The following GATAD2A variants were observed in gnomAD, a reference collection of about 807,000 sequenced individuals.
GATAD2A encodes the protein transcriptional repressor p66-alpha.
In GATAD2A, 12 loss-of-function variants were observed where a neutral mutation model predicts 68.5. That is an observed-to-expected ratio of 0.18 (90% CI 0.11 to 0.28). GATAD2A has a LOEUF of 0.28. Among genes scored for constraint, GATAD2A ranks in the 10% least tolerant of loss-of-function variants. The probability of loss-of-function intolerance (pLI) is 1.00; values close to 1 mark genes in which losing one functional copy is unlikely to be tolerated. For missense variants in GATAD2A, 755 were observed against 868.5 expected (o/e 0.87, Z 1.64); for synonymous variants, 410 against 375.3 (o/e 1.09, Z -1.07).
intron 2 of GATAD2A, among the ~76,000 whole-genome samples, chr19:19,486,448 G>A (rs1263517502): frequency 6.6e-6 from 1 of 152,218 alleles, no homozygotes; most frequent in South Asian, 2.1e-4. Flanking sequence ...GGAGGCCGTG[G>A]TGCTGCTGCC....
intron 2 of GATAD2A, among the ~76,000 whole-genome samples, chr19:19,485,549 C>A (rs1182950548): frequency 2.6e-5 from 4 of 152,220 alleles, no homozygotes; most frequent in Non-Finnish European, 4.4e-5. Flanking sequence ...TTGGGGCAGT[C>A]AGACCTCAGC....
intron 1 of GATAD2A, among the ~76,000 whole-genome samples, chr19:19,416,959 A>G (rs1489954676): frequency 6.6e-6 from 1 of 152,056 alleles, no homozygotes; most frequent in Non-Finnish European, 1.5e-5. Flanking sequence ...ACAGGGTTTC[A>G]CCATGTTGGC....
In GATAD2A at chr19:19,450,037, G is replaced by T. The variant is rs1174038310; in HGVS notation, c.-6-15303G>T. On this transcript the variant is annotated intron_variant, in intron 1 of 11. Transcript: ENST00000683918. ...GCTCTTGTCCTCAAGAGATCCTCTT[G>T]CCTTGACCTTCCAAAGTGCTGGGAT... 5.9e-5 allele frequency among the ~76,000 whole-genome samples: 9 copies of T among 152,140 alleles called. No individual in the cohort carries two copies. In the East Asian group the frequency reaches 1.7e-3, roughly 29 times the overall value.
chr19:19,483,708 G>A (rs1038385795), intron 2 of GATAD2A, among the ~76,000 whole-genome samples: 3 of 151,808 alleles, frequency 2.0e-5, no homozygotes, highest in East Asian at 1.9e-4. Context: ...TCCACCTCCC[G>A]GGTTCACGCC....
intron 8 of GATAD2A, among the ~76,000 whole-genome samples, chr19:19,500,815 C>T (rs528597575): frequency 6.6e-6 from 1 of 152,364 alleles, no homozygotes; most frequent in Admixed American, 6.5e-5. Flanking sequence ...GGGTGACTTG[C>T]CTGTCACCCT....
chr19:19,405,556 C>T (rs1450410725), upstream of GATAD2A, among the ~76,000 whole-genome samples: 2 of 152,006 alleles, frequency 1.3e-5, no homozygotes, highest in African/African-American at 2.4e-5. Context: ...CGGAGAGGGG[C>T]GGTGCTTCCG....
At chr19:19,395,322 G>T (rs1478992173) in intron 1 of GATAD2A, among the ~76,000 whole-genome samples, 1 of 152,146 alleles carries the variant, frequency 6.6e-6, no homozygotes, top group Non-Finnish European at 1.5e-5. Flanking sequence ...AGGTGTGGTG[G>T]TGCACGCCTG....
intron 1 of GATAD2A, among the ~76,000 whole-genome samples, chr19:19,417,005 G>A (rs545895289): frequency 1.1e-4 from 17 of 152,222 alleles, no homozygotes; most frequent in Admixed American, 3.9e-4. Context: ...CTGGTAATCT[G>A]CCTGCCTCGG....
At chr19:19,462,230 G>C (rs1443500574) in intron 1 of GATAD2A, among the ~76,000 whole-genome samples, 1 of 152,232 alleles carries the variant, frequency 6.6e-6, no homozygotes, top group Non-Finnish European at 1.5e-5. Context: ...GGGGGCACTA[G>C]TCCCGCTTGC....
chr19:19,494,468 T>C (rs1177695036), intron 5 of GATAD2A, 85 bp downstream of exon 5: 3 of 814,394 alleles, frequency 3.7e-6, no homozygotes, highest in South Asian at 1.5e-5. Context: ...CAAACAGCCC[T>C]GGCCCAGGTT....
At chr19:19,446,120 G>C (rs1271499243) in intron 1 of GATAD2A, among the ~76,000 whole-genome samples, 1 of 152,172 alleles carries the variant, frequency 6.6e-6, no homozygotes, top group Admixed American at 6.5e-5. Flanking sequence ...CGTTTTCCAT[G>C]TCACTCTTAC....
Position 19,501,214 on chromosome 19 carries a change from G to A in GATAD2A, c.1301G>A (p.Ser434Asn), listed in dbSNP as rs1242612153. The A allele has an allele frequency of 6.2e-7, 1 of 1,613,542 alleles. No homozygotes were observed. The highest frequency in any genetic ancestry group is 8.5e-7 in the Non-Finnish European group (1 of 1,180,022). ...ACGTGCCGCTGGCGGGAGGAGAAGAGCGGCGCCATCATGTGTGAGAACTGC... is the reference window on the plus strand; with the variant it reads ...ACGTGCCGCTGGCGGGAGGAGAAGAACGGCGCCATCATGTGTGAGAACTGC... The part of the protein sequence containing the change: ...DFTCRWREEK[S>N]GAIMCENCMT... Residue 434 changes from serine to asparagine, a missense_variant, in exon 9 of 12, where the codon AGC becomes AAC. Coordinates refer to ENST00000683918, the MANE Select transcript of GATAD2A (RefSeq NM_001384528.1).
At chr19:19,452,002 C>T (rs2056437453) in intron 1 of GATAD2A, among the ~76,000 whole-genome samples, 4 of 152,132 alleles carry the variant, frequency 2.6e-5, no homozygotes, top group South Asian at 2.1e-4. Flanking sequence ...CTGCTCCTGG[C>T]CAGAAAGATG....
chr19:19,400,867 G>A (rs923177364), upstream of GATAD2A, among the ~76,000 whole-genome samples: 19 of 152,022 alleles, frequency 1.2e-4, no homozygotes, highest in African/African-American at 3.9e-4. Context: ...AGAAAGTAGG[G>A]CCCGATGTGG....
At chr19:19,435,211 T>G in intron 1 of GATAD2A, 1 of 484,808 alleles carries the variant, frequency 2.1e-6, no homozygotes, top group Non-Finnish European at 4.4e-6. Context: ...TAAGTACCTA[T>G]TAAATGCTAG....
At chr19:19,435,093 C>T (rs780079639) in intron 1 of GATAD2A, 6 of 533,134 alleles carry the variant, frequency 1.1e-5, no homozygotes, top group South Asian at 7.0e-5. Context: ...GAAGATCAGA[C>T]ACATCAGATC....
At chr19:19,396,452 G>C (rs2049246804) in intron 1 of GATAD2A, among the ~76,000 whole-genome samples, 1 of 152,230 alleles carries the variant, frequency 6.6e-6, no homozygotes, top group Non-Finnish European at 1.5e-5. Flanking sequence ...CTGAAGGCCA[G>C]TGATCTGGAA....
intron 1 of GATAD2A, among the ~76,000 whole-genome samples, chr19:19,428,352 A>G (rs1276079780): frequency 6.6e-6 from 1 of 152,248 alleles, no homozygotes; most frequent in East Asian, 1.9e-4. Context: ...TAAGAGGAGC[A>G]TCCAGATAGA....
At chr19:19,479,621 G>C (rs1331823297) in intron 2 of GATAD2A, among the ~76,000 whole-genome samples, 1 of 152,222 alleles carries the variant, frequency 6.6e-6, no homozygotes, top group Admixed American at 6.5e-5. Flanking sequence ...TCACAGGCAG[G>C]TGATGGATTT....
Sources: allele counts gnomAD v4.1 joint callset (sites outside exome capture counted in the v4.1 genomes callset), GRCh38; gene constraint gnomAD v4.1.1; transcripts MANE v1.5; gene names NCBI Gene and HGNC (gene_info 2026-07-23, HGNC 2026-07-21).